NELL1: variants seen among roughly 807,000 people sequenced by gnomAD.
NELL1 encodes neural EGFL like 1.
In NELL1, 76 loss-of-function variants were observed where a neutral mutation model predicts 107.4. The ratio of observed to expected loss-of-function variants is 0.71; its 90% CI spans 0.59 to 0.86. The LOEUF is 0.86. NELL1 is among the 40% of genes least tolerant of loss of function. The pLI is 0.00. For missense variants in NELL1, 1,024 were observed against 1,005.5 expected (o/e 1.02, Z -0.25); for synonymous variants, 353 against 341.2 (o/e 1.03, Z -0.38).
chr11:20,901,474 G>A (rs1590396876), intron 5 of NELL1, among the ~76,000 whole-genome samples: 1 of 152,040 alleles, frequency 6.6e-6, no homozygotes, highest in South Asian at 2.1e-4. Flanking sequence ...CTATGTTCTT[G>A]GAGAAGAAGG....
chr11:20,815,613 C>A (rs368867346), intron 3 of NELL1, among the ~76,000 whole-genome samples: 1 of 152,048 alleles, frequency 6.6e-6, no homozygotes, highest in Non-Finnish European at 1.5e-5. Flanking sequence ...TTGTCTTTTA[C>A]GCTGTTAATA....
chr11:21,307,460 C>A (rs570760607), intron 14 of NELL1, among the ~76,000 whole-genome samples: 1 of 151,858 alleles, frequency 6.6e-6, no homozygotes, highest in Non-Finnish European at 1.5e-5. Context: ...CAAACACACA[C>A]CTACATATTT....
At chr11:20,891,875 G>A (rs1279202483) in intron 5 of NELL1, among the ~76,000 whole-genome samples, 1 of 152,156 alleles carries the variant, frequency 6.6e-6, no homozygotes, top group Non-Finnish European at 1.5e-5. Flanking sequence ...CAAGTTCTTA[G>A]AGACCTACAA....
At chr11:20,708,483 A>G (rs1479826826) in intron 2 of NELL1, among the ~76,000 whole-genome samples, 1 of 147,836 alleles carries the variant, frequency 6.8e-6, no homozygotes, top group African/African-American at 2.5e-5. Flanking sequence ...CTCCCTGAAC[A>G]TTTTTTTTTT....
intron 13 of NELL1, among the ~76,000 whole-genome samples, chr11:21,113,926 T>G (rs752567770): frequency 1.9e-4 from 29 of 152,156 alleles, no homozygotes; most frequent in Non-Finnish European, 3.1e-4. Flanking sequence ...CCTCTGTGTG[T>G]GTGCTTGCAT....
chr11:20,849,319 T>G (rs911575488), intron 4 of NELL1, among the ~76,000 whole-genome samples: 2 of 152,238 alleles, frequency 1.3e-5, no homozygotes, highest in African/African-American at 4.8e-5. Context: ...AGTTTTACTC[T>G]GTTTCCTGAC....
In NELL1 at chr11:21,481,153, T is replaced by G. The variant is rs553450234; in HGVS notation, c.1646-53221T>G. Among the ~76,000 whole-genome samples the G allele has an allele frequency of 2.6e-5, 4 of 152,322 alleles. No homozygotes were observed. The East Asian group carries it at 7.7e-4, about 29-fold the overall frequency. The stretch of plus-strand genomic sequence containing the variant: ...TCAATAAATGATGTTTAATGCAGAA[T>G]CAAACTGTATTAAATATTAAATAAT... On this transcript the variant is annotated intron_variant, in intron 15 of 19. Transcript: ENST00000357134.
chr11:21,358,408 T>C lies in NELL1; in HGVS notation c.1550-12445T>C, dbSNP rs139090786. 1.5e-3 allele frequency among the ~76,000 whole-genome samples: 228 copies of C among 151,966 alleles called. No individual in the cohort carries two copies. The East Asian group carries it at 0.041, about 27-fold the overall frequency. ...TTGTAAGGTTTTTTTTGTTTTGTTT[T>C]GTTTTTTTTGAGGCAGAGTCTTGCA... On this transcript the variant is annotated intron_variant, in intron 14 of 19. Coordinates refer to ENST00000357134, the MANE Select transcript of NELL1 (RefSeq NM_006157.5).
intron 14 of NELL1, among the ~76,000 whole-genome samples, chr11:21,269,184 G>C (rs1036250438): frequency 1.3e-5 from 2 of 152,034 alleles, no homozygotes; most frequent in Admixed American, 6.6e-5. Context: ...CATAGAATGT[G>C]TAAATGCATA....
intron 4 of NELL1, among the ~76,000 whole-genome samples, chr11:20,859,752 T>G (rs1168254165): frequency 1.3e-5 from 2 of 152,194 alleles, no homozygotes; most frequent in African/African-American, 4.8e-5. Context: ...CTTCTTTTAT[T>G]GGCACCTAAT....
intron 2 of NELL1, among the ~76,000 whole-genome samples, chr11:20,737,728 ATAT>A (rs1463700280): frequency 6.6e-6 from 1 of 151,948 alleles, no homozygotes; most frequent in South Asian, 2.1e-4. Flanking sequence ...CATAATGGTA[ATAT>A]TATTGGTTAC....
intron 5 of NELL1, among the ~76,000 whole-genome samples, chr11:20,904,986 G>A (rs905992716): frequency 1.3e-5 from 2 of 150,854 alleles, no homozygotes; most frequent in Admixed American, 1.3e-4. Flanking sequence ...ATGTGACCAT[G>A]CCTGGCTAAT....
intron 14 of NELL1, among the ~76,000 whole-genome samples, chr11:21,363,678 T>C (rs924120185): frequency 6.6e-6 from 1 of 152,220 alleles, no homozygotes; most frequent in Admixed American, 6.5e-5. Context: ...AATGTTTATC[T>C]CAAATATTAT....
At chr11:20,777,978 G>C (rs796606896) in intron 2 of NELL1, among the ~76,000 whole-genome samples, 6 of 152,286 alleles carry the variant, frequency 3.9e-5, no homozygotes, top group African/African-American at 1.4e-4. Flanking sequence ...CCAATATTAG[G>C]TTAAGTAGAT....
intron 14 of NELL1, among the ~76,000 whole-genome samples, chr11:21,338,705 T>G (rs796481095): frequency 5.9e-5 from 9 of 151,844 alleles, no homozygotes; most frequent in Non-Finnish European, 1.3e-4. Flanking sequence ...TTCCTTTTTT[T>G]TTGTTCAATG....
intron 14 of NELL1, among the ~76,000 whole-genome samples, chr11:21,352,286 T>G (rs1374958089): frequency 6.6e-6 from 1 of 152,186 alleles, no homozygotes; most frequent in Non-Finnish European, 1.5e-5. Flanking sequence ...TTGTTTAGTT[T>G]ATATTTTTCT....
intron 2 of NELL1, among the ~76,000 whole-genome samples, chr11:20,746,031 G>A (rs1230165010): frequency 2.0e-5 from 3 of 152,144 alleles, no homozygotes; most frequent in Admixed American, 6.5e-5. Flanking sequence ...AGATAGGTGA[G>A]CAAGGAGAGA....
chr11:21,454,377 C>T (rs998275395), intron 15 of NELL1, among the ~76,000 whole-genome samples: 10 of 151,546 alleles, frequency 6.6e-5, no homozygotes, highest in East Asian at 1.9e-4. Flanking sequence ...TGAATAATGC[C>T]GCAATAAACA....
intron 13 of NELL1, among the ~76,000 whole-genome samples, chr11:21,172,200 C>T (rs917587120): frequency 1.3e-5 from 2 of 151,870 alleles, no homozygotes; most frequent in Non-Finnish European, 2.9e-5. Flanking sequence ...CAGCTCCTTC[C>T]AAATCTAAAA....
Sources: allele counts gnomAD v4.1 joint callset (sites outside exome capture counted in the v4.1 genomes callset), GRCh38; gene constraint gnomAD v4.1.1; transcripts MANE v1.5; gene names NCBI Gene and HGNC (gene_info 2026-07-23, HGNC 2026-07-21).